GFRA3: variants seen among roughly 807,000 people sequenced by gnomAD.
GFRA3 encodes GDNF family receptor alpha-3.
Under a neutral mutation model 40.0 loss-of-function variants are expected in GFRA3, and 24 were observed. That is an observed-to-expected ratio of 0.60 (90% CI 0.43 to 0.84). The LOEUF (loss-of-function observed/expected upper bound fraction) is 0.84, where lower values mean the gene tolerates loss of function less well. GFRA3 is among the 40% of genes least tolerant of loss of function. The probability of loss-of-function intolerance (pLI) is 0.00; values close to 1 mark genes in which losing one functional copy is unlikely to be tolerated. For missense variants in GFRA3, 405 were observed against 530.6 expected, an observed-to-expected ratio of 0.76 and a Z score of 2.33; for synonymous variants, 203 against 213.5, an observed-to-expected ratio of 0.95 and a Z score of 0.43.
chr5:138,267,151 AT>A, intron 1 of GFRA3: 2 of 170,586 alleles, frequency 1.2e-5, no homozygotes, highest in Admixed American at 5.5e-5. Context: ...ACCTTATGGT[AT>A]TTTAGGACAG....
rs752707701 is a variant in GFRA3 at position 138,274,373 on chromosome 5, G to A, written c.52C>T (p.Leu18=). 1.5e-6 allele frequency: 2 copies of A among 1,330,496 alleles called. No homozygotes were observed. Among genetic ancestry groups the A allele is most frequent in the East Asian group, 3.0e-5 (1 of 33,888 alleles). 82.4% of individuals were successfully genotyped at this position (1,330,496 alleles called of 1,614,324 possible). Reference sequence around the variant, plus strand: ...AGCGGCGACGGCGGCAGCAGCAGCAGCAACATCAGGACTACGGGCGGCAGC... The same window carrying A: ...AGCGGCGACGGCGGCAGCAGCAGCAACAACATCAGGACTACGGGCGGCAGC... ...RPLPPVVLML[L]LLLPPSPLPL... Residue 18 remains leucine, a synonymous_variant, in exon 1 of 8, where the codon CTG becomes TTG. Transcript: ENST00000274721.
intron 1 of GFRA3, among the ~76,000 whole-genome samples, chr5:138,271,901 T>TTG (rs1554111199): frequency 5.1e-5 from 5 of 97,384 alleles, no homozygotes; most frequent in Non-Finnish European, 8.8e-5. Context: ...TGTTTTTTTT[T>TTG]TTTTTTTTTT....
chr5:138,267,567 AC>A (rs1755805956), intron 1 of GFRA3: 1 of 206,000 alleles, frequency 4.9e-6, no homozygotes, highest in East Asian at 1.1e-4. Flanking sequence ...AGAAGGGTGG[AC>A]TCCTTTTGAA....
At chr5:138,272,380 C>G (rs1395253492) in intron 1 of GFRA3, among the ~76,000 whole-genome samples, 1 of 149,304 alleles carries the variant, frequency 6.7e-6, no homozygotes, top group Non-Finnish European at 1.5e-5. Flanking sequence ...TGGCGCACAC[C>G]TTTAATTGCA....
chr5:138,265,190 T>TAA (rs1297807938), intron 1 of GFRA3, among the ~76,000 whole-genome samples: 3 of 136,336 alleles, frequency 2.2e-5, no homozygotes, highest in Admixed American at 7.4e-5. Context: ...TGTTCAAAGA[T>TAA]AAAAATCTAG....
intron 3 of GFRA3, among the ~76,000 whole-genome samples, chr5:138,258,922 A>AGTTTTTT (rs1271974760): frequency 6.6e-6 from 1 of 152,228 alleles, no homozygotes. Flanking sequence ...TGTCACTTAG[A>AGTTTTTT]GTTTTTCATG....
At chr5:138,269,045 A>C (rs1248935319) in intron 1 of GFRA3, among the ~76,000 whole-genome samples, 1 of 152,192 alleles carries the variant, frequency 6.6e-6, no homozygotes, top group Non-Finnish European at 1.5e-5. Flanking sequence ...AAATTGCTCA[A>C]CATCACTCAT....
chr5:138,252,906 C>G lies in GFRA3; in HGVS notation c.*62G>C. 1.1e-6 allele frequency: 1 copy of G among 890,952 alleles called. No individual in the cohort carries two copies. The highest frequency in any genetic ancestry group is 1.6e-5 in the African/African-American group (1 of 61,436). The allele number at this position is 890,952 out of a possible 1,614,324, so 55.2% of individuals were successfully genotyped here. ...TTCCTGCTGCTGTCCTTTCCTCACC[C>G]CTTGTGGGCTGCAAGTCCACCTGGG... is the stretch of plus-strand genomic sequence containing the variant. On this transcript the variant is annotated 3_prime_UTR_variant, in exon 8 of 8. Coordinates refer to ENST00000274721, the MANE Select transcript of GFRA3 (RefSeq NM_001496.4).
At chr5:138,265,055 G>A (rs1755763793) in intron 1 of GFRA3, among the ~76,000 whole-genome samples, 1 of 152,046 alleles carries the variant, frequency 6.6e-6, no homozygotes, top group African/African-American at 2.4e-5. Flanking sequence ...AGGAAAGAAA[G>A]GGTAACCTGA....
rs56245236 is a variant in GFRA3, at chr5:138,267,188, CTTT to C, written c.92-2643_92-2641del. ...CCAGCTTCACCTTTTTTCTTTTATG[CTTT>C]TTTTTTTTTTTTTTTTTTGAGACCA... On this transcript the variant is annotated intron_variant, in intron 1 of 7. Transcript: ENST00000274721. 179 of 101,328 alleles carry C rather than the reference CTTT, an allele frequency of 1.8e-3. 1 individual carries two copies. In the Middle Eastern group the frequency reaches 0.019, roughly 11 times the overall value. The allele number at this position is 101,328 out of a possible 1,614,324, so 6.3% of individuals were successfully genotyped here.
At chr5:138,267,687 T>C in intron 1 of GFRA3, 1 of 177,120 alleles carries the variant, frequency 5.6e-6, no homozygotes. Flanking sequence ...GCTTTTACAT[T>C]TCCTTGTATC....
At chr5:138,264,797 C>T (rs894293390) in intron 1 of GFRA3, among the ~76,000 whole-genome samples, 3 of 152,130 alleles carry the variant, frequency 2.0e-5, no homozygotes, top group African/African-American at 4.8e-5. Flanking sequence ...AGAGGCTGCT[C>T]AGCCTTCAGG....
intron 2 of GFRA3, among the ~76,000 whole-genome samples, chr5:138,260,901 G>T (rs866907227): frequency 6.7e-6 from 1 of 149,524 alleles, no homozygotes; most frequent in African/African-American, 2.5e-5. Context: ...CACACATATA[G>T]TCCCAGCTAC....
chr5:138,256,745 G>A (rs1396845935), intron 4 of GFRA3, among the ~76,000 whole-genome samples: 1 of 151,536 alleles, frequency 6.6e-6, no homozygotes, highest in Non-Finnish European at 1.5e-5. Context: ...TCAGGAGTTC[G>A]AGACCAGCCT....
chr5:138,257,550 G>T, intron 4 of GFRA3, 89 bp downstream of exon 4: 1 of 1,128,094 alleles, frequency 8.9e-7, no homozygotes, highest in Non-Finnish European at 1.2e-6. Flanking sequence ...TTCCCTGGGA[G>T]GGTCAGACCC....
intron 3 of GFRA3, among the ~76,000 whole-genome samples, chr5:138,258,942 C>G (rs1324444055): frequency 1.3e-5 from 2 of 152,190 alleles, no homozygotes; most frequent in African/African-American, 4.8e-5. Context: ...GCATGAAACT[C>G]TATGCCTTTT....
At chr5:138,258,013 C>A in intron 3 of GFRA3, 62 bp from the exon 4 acceptor site, 1 of 1,365,898 alleles carries the variant, frequency 7.3e-7, no homozygotes, top group Non-Finnish European at 1.0e-6. Flanking sequence ...CCCCAGGTTC[C>A]ACAGGAACCC....
chr5:138,263,835 T>G (rs1283927396), intron 2 of GFRA3, among the ~76,000 whole-genome samples: 3 of 152,210 alleles, frequency 2.0e-5, no homozygotes, highest in Non-Finnish European at 4.4e-5. Context: ...TTCTCTCTCT[T>G]ACATCTCCTG....
chr5:138,253,918 G>A lies in GFRA3; in HGVS notation c.890-18C>T, dbSNP rs371312523. 8.1e-6 allele frequency: 13 copies of A among 1,611,888 alleles called. No individual in the cohort carries two copies. Among genetic ancestry groups the A allele is most frequent in the Non-Finnish European group, 1.1e-5 (13 of 1,178,298 alleles). ...GGCAGTCCCTGTGAAGAGGGAAAGG[G>A]TAGTCAAGGCCTAGGCTAACCCTAA... On this transcript the variant is annotated intron_variant, in intron 5 of 7. Coordinates refer to ENST00000274721, the MANE Select transcript of GFRA3 (RefSeq NM_001496.4).
Sources: gnomAD v4.1 joint callset for allele counts (sites outside exome capture counted in the v4.1 genomes callset) on GRCh38, gnomAD v4.1.1 for gene constraint, MANE v1.5 for transcripts, NCBI Gene and HGNC (gene_info 2026-07-23, HGNC 2026-07-21) for gene names.